The following HTR2B variants were observed in gnomAD, a reference collection of about 807,000 sequenced individuals.
HTR2B encodes the protein 5-hydroxytryptamine receptor 2B.
Under a neutral mutation model 39.8 loss-of-function variants are expected in HTR2B, and 31 were observed. That is an observed-to-expected ratio of 0.78 (90% confidence interval 0.58 to 1.05). HTR2B has a LOEUF of 1.05. Ranked by LOEUF, HTR2B falls within the 50% of genes least tolerant of loss-of-function variation. HTR2B has a pLI of 0.00. For missense variants in HTR2B, 562 were observed against 578.0 expected (o/e 0.97, Z 0.28); for synonymous variants, 210 against 207.1 (o/e 1.01, Z -0.12).
chr2:231,118,648 C>G (rs990254768), intron 2 of HTR2B, among the ~76,000 whole-genome samples: 1 of 152,008 alleles, frequency 6.6e-6, no homozygotes, highest in Non-Finnish European at 1.5e-5. Flanking sequence ...CTAGAAACCC[C>G]GTATCTTGAT....
intron 2 of HTR2B, among the ~76,000 whole-genome samples, chr2:231,121,242 C>T (rs113294485): frequency 2.0e-5 from 3 of 152,198 alleles, no homozygotes; most frequent in African/African-American, 7.2e-5. Flanking sequence ...AATTAACAAA[C>T]ATGAGCCAGG....
rs1451022908 is a variant in HTR2B, at chr2:231,124,139, A to G, written c.-366-9T>C. 8.2e-6 allele frequency: 2 copies of G among 243,256 alleles called. No homozygotes were observed. The highest frequency in any genetic ancestry group is 1.6e-5 in the Non-Finnish European group (2 of 122,366). The allele number at this position is 243,256 out of a possible 1,614,324, so 15.1% of individuals were successfully genotyped here. A position where few individuals can be genotyped will look rare whatever the true frequency, so the allele number is the denominator to read the frequency against. ...ATGCCAGAGAGTTCCCCCTAGATAC[A>G]AAATACATAGACTGCATTATTTTAT... On this transcript the variant is annotated splice_polypyrimidine_tract_variant and intron_variant, in intron 1 of 3. Transcript: ENST00000258400.
chr2:231,120,710 C>T (rs745351271), intron 2 of HTR2B, among the ~76,000 whole-genome samples: 1 of 152,144 alleles, frequency 6.6e-6, no homozygotes, highest in Non-Finnish European at 1.5e-5. Context: ...TATTAGACTA[C>T]GAGCTAGTAT....
chr2:231,116,626 T>C (rs1041443664), intron 2 of HTR2B, among the ~76,000 whole-genome samples: 5 of 151,088 alleles, frequency 3.3e-5, no homozygotes, highest in Non-Finnish European at 5.9e-5. Context: ...ATACTCCTAA[T>C]TGTGGGCTAA....
intron 1 of HTR2B, among the ~76,000 whole-genome samples, chr2:231,124,482 A>G (rs1342727333): frequency 1.3e-5 from 2 of 152,024 alleles, no homozygotes; most frequent in Non-Finnish European, 2.9e-5. Context: ...GTCTAAATAA[A>G]TGTTTTACCA....
chr2:231,117,528 G>A (rs535676551), intron 2 of HTR2B, among the ~76,000 whole-genome samples: 11 of 152,160 alleles, frequency 7.2e-5, no homozygotes, highest in African/African-American at 2.6e-4. Context: ...AACAAAACAA[G>A]TCCTAGATGG....
chr2:231,123,896 T>A lies in HTR2B; in HGVS notation c.-132A>T, dbSNP rs2125233975. 76 of 563,414 alleles carry A rather than the reference T, an allele frequency of 1.3e-4. No homozygotes were observed. Among genetic ancestry groups the A allele is most frequent in the Middle Eastern group, 6.3e-4 (2 of 3,154 alleles). 34.9% of individuals were successfully genotyped at this position (563,414 alleles called of 1,614,324 possible). ...AAAAGCCAAAGTTGACACCTTCCTT[T>A]AAAAAAAAAAATTCAAGTTCTCTAA... On this transcript the variant is annotated 5_prime_UTR_variant, in exon 2 of 4. The change abolishes the stop of an existing upstream ORF in the 5' untranslated region. Coordinates refer to ENST00000258400, the MANE Select transcript of HTR2B (RefSeq NM_000867.5).
At chr2:231,112,600 A>T (rs1456451130) in intron 3 of HTR2B, among the ~76,000 whole-genome samples, 2 of 152,186 alleles carry the variant, frequency 1.3e-5, no homozygotes, top group East Asian at 3.9e-4. Context: ...CAGGTCTCTT[A>T]ATTTTTTGCC....
rs16827802 is a variant in HTR2B at position 231,120,562 on chromosome 2, A to C, written c.352+2851T>G. On this transcript the variant is annotated intron_variant, in intron 2 of 3. Transcript: ENST00000258400. ...AAGACAATGTTGTGCCTGAGTTGTC[A>C]TAATCTTGGGAAAATATGAATTCAA... 7.9e-3 allele frequency among the ~76,000 whole-genome samples: 1,205 copies of C among 152,374 alleles called. 22 individuals carry two copies. Among genetic ancestry groups the C allele is most frequent in the African/African-American group, 0.028 (1,154 of 41,584 alleles).
intron 1 of HTR2B, among the ~76,000 whole-genome samples, 180 bp from the exon 2 acceptor site, chr2:231,124,310 A>T (rs568381713): frequency 1.3e-5 from 2 of 152,232 alleles, no homozygotes; most frequent in South Asian, 4.1e-4. Context: ...AGACACATTA[A>T]TTTTTTCAAT....
chr2:231,115,427 A>G (rs2125217765), intron 2 of HTR2B, among the ~76,000 whole-genome samples: 1 of 152,300 alleles, frequency 6.6e-6, no homozygotes, highest in East Asian at 1.9e-4. Context: ...TCTTCCTAGG[A>G]ACAAAATAAC....
chr2:231,119,174 G>A (rs1695446005), intron 2 of HTR2B, among the ~76,000 whole-genome samples: 1 of 152,122 alleles, frequency 6.6e-6, no homozygotes, highest in Admixed American at 6.5e-5. Context: ...AAAAAGAAGT[G>A]CCTTTAATTC....
At chr2:231,116,993 G>T (rs2125220754) in intron 2 of HTR2B, among the ~76,000 whole-genome samples, 1 of 152,028 alleles carries the variant, frequency 6.6e-6, no homozygotes, top group Middle Eastern at 3.4e-3. Flanking sequence ...TTTTTTAAAT[G>T]CCTAATATAT....
chr2:231,117,664 T>C (rs1695390525), intron 2 of HTR2B, among the ~76,000 whole-genome samples: 1 of 152,068 alleles, frequency 6.6e-6, no homozygotes, highest in African/African-American at 2.4e-5. Flanking sequence ...TGTCATTCAG[T>C]TATATAAATT....
intron 1 of HTR2B, among the ~76,000 whole-genome samples, chr2:231,124,396 C>T (rs1176319400): frequency 2.0e-5 from 3 of 152,038 alleles, no homozygotes; most frequent in South Asian, 2.1e-4. Flanking sequence ...ATAGAAAAGT[C>T]GAAACACAAT....
At position 231,123,895 on chromosome 2, in the gene HTR2B, T is replaced by TA; in HGVS notation, c.-132_-131insT. The TA allele has an allele frequency of 1.4e-6, 1 of 731,066 alleles. No individual in the cohort carries two copies. Among genetic ancestry groups the TA allele is most frequent in the African/African-American group, 1.8e-5 (1 of 56,398 alleles). The allele number at this position is 731,066 out of a possible 1,614,324, so 45.3% of individuals were successfully genotyped here. A position where few individuals can be genotyped will look rare whatever the true frequency, so the allele number is the denominator to read the frequency against. ...CAAAAGCCAAAGTTGACACCTTCCT[T>TA]TAAAAAAAAAAATTCAAGTTCTCTA... On this transcript the variant is annotated 5_prime_UTR_variant, in exon 2 of 4. An upstream open reading frame in the 5' UTR loses its in-frame stop. Coordinates refer to ENST00000258400, the MANE Select transcript of HTR2B (RefSeq NM_000867.5).
At chr2:231,116,710 A>G (rs1482290041) in intron 2 of HTR2B, among the ~76,000 whole-genome samples, 1 of 152,102 alleles carries the variant, frequency 6.6e-6, no homozygotes, top group Non-Finnish European at 1.5e-5. Context: ...CAGAATTTAT[A>G]AACTCATTCC....
At chr2:231,117,288 A>G (rs1041168139) in intron 2 of HTR2B, among the ~76,000 whole-genome samples, 8 of 152,048 alleles carry the variant, frequency 5.3e-5, no homozygotes, top group East Asian at 1.9e-4. Context: ...ATACTTCCAC[A>G]AAGACTTAAG....
chr2:231,112,900 C>CA (rs1695202563), intron 3 of HTR2B, among the ~76,000 whole-genome samples: 1 of 152,188 alleles, frequency 6.6e-6, no homozygotes, highest in African/African-American at 2.4e-5. Flanking sequence ...TGCAGTGACT[C>CA]ACGCCTGTAA....
Sources: allele counts gnomAD v4.1 joint callset (sites outside exome capture counted in the v4.1 genomes callset), GRCh38; gene constraint gnomAD v4.1.1; transcripts MANE v1.5; gene names NCBI Gene and HGNC (gene_info 2026-07-23, HGNC 2026-07-21).